The following SLC5A10 variants were observed in gnomAD, a reference collection of about 807,000 sequenced individuals.
The protein encoded by SLC5A10 is solute carrier family 5 member 10, also known as sodium/mannose cotransporter SLC5A10.
Under a neutral mutation model 68.9 loss-of-function variants are expected in SLC5A10, and 55 were observed. That is an observed-to-expected ratio of 0.80 (90% CI 0.64 to 1.00). The LOEUF is 1.00. Among genes scored for constraint, SLC5A10 ranks in the 50% least tolerant of loss-of-function variants. SLC5A10 has a pLI of 0.00. For missense variants in SLC5A10, 732 were observed against 819.3 expected (o/e 0.89, Z 1.30); for synonymous variants, 344 against 344.8 (o/e 1.00, Z 0.02).
chr17:18,979,172 G>A (rs559401411), intron 9 of SLC5A10: 50 of 487,204 alleles, frequency 1.0e-4, no homozygotes, highest in Middle Eastern at 5.7e-4. Context: ...GCTGCCATGC[G>A]TCTATGCTGC....
chr17:18,973,226 G>T (rs866156031), intron 8 of SLC5A10, among the ~76,000 whole-genome samples: 5 of 152,378 alleles, frequency 3.3e-5, no homozygotes, highest in South Asian at 2.1e-4. Context: ...CATGGGCTTG[G>T]CATGGCACGG....
intron 1 of SLC5A10, among the ~76,000 whole-genome samples, chr17:18,956,465 G>GTTTTTTTTTTTTTTTTTTTTTCTT (rs2042504202): frequency 1.0e-4 from 10 of 98,006 alleles, no homozygotes; most frequent in Non-Finnish European, 1.6e-4. Flanking sequence ...TTTTCTTTCT[G>GTTTTTTTTTTTTTTTTTTTTTCTT]TTTTTTTTTT....
chr17:18,958,847 C>T, intron 2 of SLC5A10, 94 bp downstream of exon 2: 5 of 1,439,000 alleles, frequency 3.5e-6, no homozygotes, highest in Non-Finnish European at 4.9e-6. Context: ...TTGAGCCAGT[C>T]CAATTCAGTG....
chr17:18,993,395 A>C (rs2043480498), intron 9 of SLC5A10, among the ~76,000 whole-genome samples: 1 of 152,174 alleles, frequency 6.6e-6, no homozygotes. Flanking sequence ...CAGGCACAGC[A>C]ATGGAGTCTC....
chr17:18,958,613 C>A, intron 1 of SLC5A10, 69 bp from the exon 2 acceptor site: 2 of 1,408,118 alleles, frequency 1.4e-6, no homozygotes, highest in Non-Finnish European at 2.0e-6. Context: ...GCTGCCAAGC[C>A]GTTTCCCATT....
In SLC5A10 at chr17:19,000,065, C is replaced by T. The variant is rs1453043925; in HGVS notation, c.983-13345C>T. 4.6e-5 allele frequency among the ~76,000 whole-genome samples: 7 copies of T among 152,338 alleles called. No homozygotes were observed. The highest frequency in any genetic ancestry group is 3.4e-3 in the Middle Eastern group (1 of 294). On this transcript the variant is annotated intron_variant, in intron 9 of 14. Coordinates refer to ENST00000395645, the MANE Select transcript of SLC5A10 (RefSeq NM_001042450.4). This position sits in a 1 kb window ranked among gnomAD's most constrained non-coding sequence, Gnocchi z 5.2. ...TTCTCAGGCTGCAGCCAAGTGAGGCCGGGGCTCGCCCCTCCCAGGCGTGAT... is the reference window on the plus strand; with the variant it reads ...TTCTCAGGCTGCAGCCAAGTGAGGCTGGGGCTCGCCCCTCCCAGGCGTGAT...
intron 5 of SLC5A10, among the ~76,000 whole-genome samples, chr17:18,966,581 T>C (rs1313982777): frequency 6.6e-6 from 1 of 151,956 alleles, no homozygotes; most frequent in African/African-American, 2.4e-5. Context: ...CTGGCCAACA[T>C]GGTGAAACCA....
intron 4 of SLC5A10, among the ~76,000 whole-genome samples, 199 bp from the exon 5 acceptor site, chr17:18,960,349 C>A (rs1241992497): frequency 5.3e-5 from 8 of 152,272 alleles, no homozygotes; most frequent in Admixed American, 4.6e-4. Context: ...CTGCCTGACA[C>A]CCTCGGGGCG....
upstream of SLC5A10, chr17:18,951,848 G>A (rs1167815760): frequency 7.5e-6 from 2 of 267,934 alleles, no homozygotes; most frequent in South Asian, 5.2e-5. Flanking sequence ...TATAGGTGAA[G>A]CCACCCATTA....
chr17:19,015,110 C>G lies in SLC5A10; in HGVS notation c.1152C>G (p.Ile384Met). The change falls in exon 11 of 15, where the codon ATC becomes ATG. Residue 384 changes from isoleucine to methionine, a missense_variant. Coordinates refer to ENST00000395645, the MANE Select transcript of SLC5A10 (RefSeq NM_001042450.4). ...LAALMSSLTS[I>M]FNSSSTLFTM... is the part of the protein sequence containing the mutation. ...CGCTCATGTCGTCGCTGACCTCCAT[C>G]TTCAACAGCAGCAGCACCCTCTTCA... 6.2e-7 allele frequency: 1 copy of G among 1,613,986 alleles called. No homozygotes were observed. The highest frequency in any genetic ancestry group is 8.5e-7 in the Non-Finnish European group (1 of 1,179,892).
At position 18,971,885 on chromosome 17, in the gene SLC5A10, T is replaced by C. The variant is rs987012580; in HGVS notation, c.846+667T>C. 3 of 890,188 alleles carry C rather than the reference T, an allele frequency of 3.4e-6. No individual in the cohort carries two copies. The highest frequency in any genetic ancestry group is 5.0e-6 in the Non-Finnish European group (3 of 601,626). The allele number at this position is 890,188 out of a possible 1,614,324, so 55.1% of individuals were successfully genotyped here. On this transcript the variant is annotated intron_variant, in intron 8 of 14. Transcript: ENST00000395645. This position sits in a 1 kb window ranked among gnomAD's most constrained non-coding sequence, Gnocchi z 5.5. ...TCTGCCATTCACCAGGGAGTGGGCC[T>C]AGACCAGTTGGTTTAGTCACTCGAT...
At chr17:18,993,185 C>T (rs1023504622) in intron 9 of SLC5A10, among the ~76,000 whole-genome samples, 3 of 152,162 alleles carry the variant, frequency 2.0e-5, no homozygotes, top group South Asian at 2.1e-4. Context: ...CTCTCCCCGA[C>T]GCTTCCTGAT....
intron 5 of SLC5A10, among the ~76,000 whole-genome samples, chr17:18,962,450 G>C (rs1438966815): frequency 1.3e-5 from 2 of 152,160 alleles, no homozygotes; most frequent in Non-Finnish European, 2.9e-5. Context: ...GAGAAGCTGG[G>C]AGTGAGTAAT....
intron 9 of SLC5A10, among the ~76,000 whole-genome samples, chr17:18,993,818 G>A (rs903364851): frequency 6.6e-6 from 1 of 152,216 alleles, no homozygotes; most frequent in African/African-American, 2.4e-5. Context: ...CTGGGAAGCT[G>A]CATGACCTTG....
chr17:19,010,702 G>A (rs1039007523), intron 9 of SLC5A10, among the ~76,000 whole-genome samples: 4 of 152,182 alleles, frequency 2.6e-5, no homozygotes, highest in African/African-American at 9.7e-5. Context: ...GGAGGGCTGG[G>A]TCCTCCGAGT....
At position 18,997,433 on chromosome 17, in the gene SLC5A10, C is replaced by T. The variant is rs12450425; in HGVS notation, c.983-15977C>T. The stretch of plus-strand genomic sequence containing the variant: ...TCCTCAGAGCTTCCAGGCTTGCAGG[C>T]GCAGGATCCAGCCAACCAGACCATC... On this transcript the variant is annotated intron_variant, in intron 9 of 14. Coordinates refer to ENST00000395645, the MANE Select transcript of SLC5A10 (RefSeq NM_001042450.4). Among the ~76,000 whole-genome samples the T allele has an allele frequency of 0.01, 1,580 of 152,350 alleles. 97 individuals carry two copies. The East Asian group carries it at 0.18, about 17-fold the overall frequency.
intron 9 of SLC5A10, chr17:18,977,794 C>T (rs764496911): frequency 6.2e-7 from 1 of 1,601,980 alleles, no homozygotes; most frequent in Non-Finnish European, 8.5e-7. Flanking sequence ...GGACTGAGTG[C>T]TCTCTCACCT....
At chr17:19,014,081 C>G (rs1456485587) in intron 10 of SLC5A10, among the ~76,000 whole-genome samples, 1 of 152,192 alleles carries the variant, frequency 6.6e-6, no homozygotes, top group Non-Finnish European at 1.5e-5. Context: ...GACACAGAAC[C>G]GAGGCCAGAC....
At chr17:19,010,681 T>A (rs1164487384) in intron 9 of SLC5A10, among the ~76,000 whole-genome samples, 1 of 152,116 alleles carries the variant, frequency 6.6e-6, no homozygotes, top group Non-Finnish European at 1.5e-5. Context: ...ACGCCTCACC[T>A]GTCCCTCCCA....
Sources: allele counts gnomAD v4.1 joint callset (sites outside exome capture counted in the v4.1 genomes callset), GRCh38; gene constraint gnomAD v4.1.1; non-coding constraint Gnocchi (gnomAD v3.1); transcripts MANE v1.5; gene names NCBI Gene and HGNC (gene_info 2026-07-23, HGNC 2026-07-21).